The following SBF2 variants were observed in gnomAD, a reference collection of about 807,000 sequenced individuals.
SBF2 encodes the protein SET binding factor 2, also known as myotubularin-related protein 13.
SBF2 carries 112 observed loss-of-function variants against 225.2 expected under a neutral mutation model. That is an observed-to-expected ratio of 0.50 (90% CI 0.43 to 0.58). The LOEUF (loss-of-function observed/expected upper bound fraction) is 0.58, where lower values mean the gene tolerates loss of function less well. Among genes scored for constraint, SBF2 ranks in the 20% least tolerant of loss-of-function variants. The pLI is 0.00. For missense variants in SBF2, 1,996 were observed against 2,206.2 expected (o/e 0.90, Z 1.91); for synonymous variants, 763 against 773.3 (o/e 0.99, Z 0.22).
At chr11:10,002,732 A>G (rs1357518346) in intron 6 of SBF2, 43 bp from the exon 7 acceptor site, 3 of 1,586,252 alleles carry the variant, frequency 1.9e-6, no homozygotes, top group African/African-American at 1.3e-5. Flanking sequence ...ATTTAATTTT[A>G]TATGTGTTGT....
At chr11:9,946,931 T>G (rs969948989) in intron 16 of SBF2, among the ~76,000 whole-genome samples, 2 of 152,238 alleles carry the variant, frequency 1.3e-5, no homozygotes, top group Non-Finnish European at 2.9e-5. Flanking sequence ...TAATAAAGAC[T>G]TGCAGAAAAT....
chr11:10,114,780 G>A (rs1953050816), intron 2 of SBF2, among the ~76,000 whole-genome samples: 1 of 152,086 alleles, frequency 6.6e-6, no homozygotes, highest in South Asian at 2.1e-4. Context: ...CAGTCTCTTT[G>A]AAGTTTTTCT....
At chr11:10,153,172 G>A (rs1262261797) in intron 2 of SBF2, among the ~76,000 whole-genome samples, 2 of 152,160 alleles carry the variant, frequency 1.3e-5, no homozygotes, top group Non-Finnish European at 2.9e-5. Flanking sequence ...TGGTGATAGT[G>A]AAATGTAAGC....
chr11:10,264,856 T>C (rs888273571), intron 1 of SBF2, among the ~76,000 whole-genome samples: 1 of 152,060 alleles, frequency 6.6e-6, no homozygotes, highest in African/African-American at 2.4e-5. Flanking sequence ...GTTCTTAGGA[T>C]AGTTTGCTGA....
chr11:10,264,960 T>C (rs911684651), intron 1 of SBF2, among the ~76,000 whole-genome samples: 4 of 152,228 alleles, frequency 2.6e-5, no homozygotes, highest in African/African-American at 9.6e-5. Context: ...ATGTGCCACA[T>C]TTTCTTTATC....
At chr11:9,954,390 C>A (rs190591698) in intron 16 of SBF2, among the ~76,000 whole-genome samples, 1 of 152,284 alleles carries the variant, frequency 6.6e-6, no homozygotes, top group East Asian at 1.9e-4. Context: ...CATGTTAAAT[C>A]CCTGTTGATA....
intron 16 of SBF2, among the ~76,000 whole-genome samples, chr11:9,955,462 T>C (rs1487809629): frequency 1.3e-5 from 2 of 152,058 alleles, no homozygotes; most frequent in African/African-American, 4.8e-5. Flanking sequence ...TGAACAGTGT[T>C]CTAAAGAAGA....
intron 28 of SBF2, among the ~76,000 whole-genome samples, chr11:9,822,624 G>A (rs1403343851): frequency 7.2e-5 from 11 of 152,140 alleles, no homozygotes; most frequent in African/African-American, 2.2e-4. Context: ...AGTAAGAACC[G>A]GCTAAGGGGA....
At chr11:10,220,330 C>G (rs1160453684) in intron 1 of SBF2, among the ~76,000 whole-genome samples, 1 of 152,144 alleles carries the variant, frequency 6.6e-6, no homozygotes, top group Non-Finnish European at 1.5e-5. Flanking sequence ...CACCGGGACC[C>G]TCTGATGACA....
At chr11:9,818,104 C>A (rs1854556174) in intron 28 of SBF2, among the ~76,000 whole-genome samples, 1 of 152,132 alleles carries the variant, frequency 6.6e-6, no homozygotes. Context: ...CACCACCATG[C>A]CTGGCTAATT....
chr11:10,202,659 G>A (rs1266536312), intron 1 of SBF2, among the ~76,000 whole-genome samples: 1 of 152,138 alleles, frequency 6.6e-6, no homozygotes, highest in Non-Finnish European at 1.5e-5. Context: ...GTGGTGGCGG[G>A]TGCCTGCAGT....
intron 2 of SBF2, among the ~76,000 whole-genome samples, chr11:10,176,376 C>A (rs1013386061): frequency 2.0e-5 from 3 of 151,616 alleles, no homozygotes; most frequent in African/African-American, 7.3e-5. Flanking sequence ...CACAAAAAAC[C>A]CTTCAAAAAA....
chr11:9,850,264 T>A (rs753300746), intron 21 of SBF2, 46 bp from the exon 22 acceptor site: 1 of 1,579,578 alleles, frequency 6.3e-7, no homozygotes. Context: ...GACTAATTGA[T>A]TGATTTTTGG....
intron 2 of SBF2, among the ~76,000 whole-genome samples, chr11:10,162,767 A>G (rs1955808072): frequency 6.6e-6 from 1 of 152,190 alleles, no homozygotes; most frequent in African/African-American, 2.4e-5. Flanking sequence ...TTAAATAGTG[A>G]TAGATGGAAG....
intron 26 of SBF2, 186 bp downstream of exon 26, chr11:9,839,312 A>G: frequency 1.5e-6 from 1 of 652,248 alleles, no homozygotes; most frequent in Non-Finnish European, 2.7e-6. Flanking sequence ...CACCTACTAG[A>G]GGTACTTTCA....
intron 32 of SBF2, among the ~76,000 whole-genome samples, chr11:9,797,583 G>C (rs1853202922): frequency 6.6e-6 from 1 of 152,194 alleles, no homozygotes; most frequent in Admixed American, 6.5e-5. Flanking sequence ...TTGTAGAACT[G>C]TAAGCATTTG....
chr11:10,104,051 C>T (rs949205484), intron 2 of SBF2, among the ~76,000 whole-genome samples: 1 of 151,392 alleles, frequency 6.6e-6, no homozygotes, highest in East Asian at 1.9e-4. Context: ...CCACTGTACT[C>T]CATCCATCTG....
intron 1 of SBF2, among the ~76,000 whole-genome samples, chr11:10,266,500 T>C (rs918742752): frequency 1.3e-5 from 2 of 152,056 alleles, no homozygotes; most frequent in East Asian, 1.9e-4. Context: ...ACATTCTGAG[T>C]ATGAAGTTGA....
intron 26 of SBF2, among the ~76,000 whole-genome samples, chr11:9,836,624 T>C (rs1229019113): frequency 1.3e-5 from 2 of 152,158 alleles, no homozygotes; most frequent in African/African-American, 4.8e-5. Context: ...TCAGTTTCCA[T>C]TAACATTTTG....
Sources: allele counts gnomAD v4.1 joint callset (sites outside exome capture counted in the v4.1 genomes callset), GRCh38; gene constraint gnomAD v4.1.1; transcripts MANE v1.5; gene names NCBI Gene and HGNC (gene_info 2026-07-23, HGNC 2026-07-21).